The following SEMA6D variants were observed in gnomAD, a reference collection of about 807,000 sequenced individuals.
SEMA6D encodes semaphorin 6D, also known as semaphorin-6D.
In SEMA6D, 35 loss-of-function variants were observed where a neutral mutation model predicts 106.6. The observed-to-expected ratio is 0.33, with a 90% confidence interval of 0.25 to 0.44. The LOEUF (loss-of-function observed/expected upper bound fraction) is 0.44. SEMA6D is among the 20% of genes least tolerant of loss of function. SEMA6D has a pLI of 1.00. For synonymous variants in SEMA6D, 499 were observed against 487.7 expected (o/e 1.02, Z -0.31); for missense variants, 1,185 against 1,345.9 (o/e 0.88, Z 1.87).
rs1863267 is a variant in SEMA6D at position 47,412,403 on chromosome 15, C to G, written c.-228C>G. On this transcript the variant is annotated 5_prime_UTR_variant, in exon 2 of 20. Coordinates refer to the SEMA6D transcript ENST00000558014. ...TTTGACTTTTGGCAGGATCTCCAAC[C>G]TGAGCATATGCCAGTTGACATGGGA... 30,926 of 152,506 alleles carry G rather than the reference C, an allele frequency of 0.2. 3,347 individuals carry two copies. Among genetic ancestry groups the G allele is most frequent in the South Asian group, 0.34 (1,632 of 4,808 alleles). The allele number at this position is 152,506 out of a possible 1,614,324, so 9.4% of individuals were successfully genotyped here. A position where few individuals can be genotyped will look rare whatever the true frequency, so the allele number is the denominator to read the frequency against.
chr15:47,672,106 T>C (rs2078148751), intron 4 of SEMA6D, among the ~76,000 whole-genome samples: 1 of 152,218 alleles, frequency 6.6e-6, no homozygotes, highest in Non-Finnish European at 1.5e-5. Context: ...TATCCCTTTG[T>C]GATATATTTA....
chr15:47,217,118 C>T (rs2030692526), intron 1 of SEMA6D, among the ~76,000 whole-genome samples: 1 of 152,140 alleles, frequency 6.6e-6, no homozygotes, highest in Admixed American at 6.6e-5. Flanking sequence ...GACTTCTCAG[C>T]CTCTGAAGAT....
At chr15:47,348,727 C>CAGAGAGAGAG (rs55719976) in intron 1 of SEMA6D, among the ~76,000 whole-genome samples, 1,269 of 56,954 alleles carry the variant, frequency 0.022, 99 homozygotes, top group Middle Eastern at 0.042. Context: ...ACCACACACA[C>CAGAGAGAGAG]AGAGAGAGAG....
chr15:47,508,643 G>A (rs2044129167), intron 3 of SEMA6D, among the ~76,000 whole-genome samples: 1 of 152,230 alleles, frequency 6.6e-6, no homozygotes, highest in African/African-American at 2.4e-5. Context: ...GGACAGATGA[G>A]AAGAAGGCAT....
chr15:47,315,613 A>C (rs892508338), intron 1 of SEMA6D, among the ~76,000 whole-genome samples: 2 of 152,216 alleles, frequency 1.3e-5, no homozygotes, highest in Non-Finnish European at 1.5e-5. Context: ...CTTTATAATT[A>C]GTTTGTCAAC....
intron 1 of SEMA6D, among the ~76,000 whole-genome samples, chr15:47,342,418 C>G (rs1033686771): frequency 2.6e-5 from 4 of 152,168 alleles, no homozygotes; most frequent in African/African-American, 7.2e-5. Flanking sequence ...ACATCTTGTT[C>G]TGTAGTTTTC....
chr15:47,524,638 T>G (rs1284843069), intron 3 of SEMA6D, among the ~76,000 whole-genome samples: 2 of 152,072 alleles, frequency 1.3e-5, no homozygotes, highest in Non-Finnish European at 2.9e-5. Flanking sequence ...GTGATCTCGT[T>G]AGAGGGAGAC....
intron 1 of SEMA6D, among the ~76,000 whole-genome samples, chr15:47,265,231 G>A (rs2034262999): frequency 6.6e-6 from 1 of 151,282 alleles, no homozygotes; most frequent in Admixed American, 6.6e-5. Context: ...AATAAAATGG[G>A]GAAGCCATCT....
rs1256402942 is a variant in SEMA6D, at chr15:47,245,079, A to G, written c.-239+60661A>G. Among the ~76,000 whole-genome samples, 3 of 150,392 alleles carry G rather than the reference A, an allele frequency of 2.0e-5. No individual in the cohort carries two copies. In the East Asian group the frequency reaches 5.9e-4, roughly 29 times the overall value. ...GTATTCCATGGTATATACTTACCAC[A>G]TTTTCTTTATCCAATCCAACATTGA... On this transcript the variant is annotated intron_variant, in intron 1 of 19. Transcript: ENST00000558014.
chr15:47,763,181 C>T lies in SEMA6D; in HGVS notation c.747+77C>T, dbSNP rs549608816. 2.1e-5 allele frequency: 23 copies of T among 1,114,664 alleles called. No individual in the cohort carries two copies. The African/African-American group carries it at 2.5e-4, about 12-fold the overall frequency. The allele number at this position is 1,114,664 out of a possible 1,614,324, so 69.0% of individuals were successfully genotyped here. On this transcript the variant is annotated intron_variant, in intron 9 of 18. Transcript: ENST00000536845. The stretch of plus-strand genomic sequence containing the variant: ...GACCACTGTGATAGAGTTAAGGATG[C>T]TCACTTGGCATGTTTTCCAGCTCTC...
At chr15:47,697,697 G>C (rs1373474510) in intron 4 of SEMA6D, among the ~76,000 whole-genome samples, 3 of 152,140 alleles carry the variant, frequency 2.0e-5, no homozygotes, top group Admixed American at 6.5e-5. Context: ...GGGAAGGTCT[G>C]ATGAATTTGA....
chr15:47,378,325 A>G (rs1397909120), intron 1 of SEMA6D, among the ~76,000 whole-genome samples: 1 of 152,070 alleles, frequency 6.6e-6, no homozygotes, highest in Non-Finnish European at 1.5e-5. Context: ...GAGAAACCCC[A>G]TCTCTACTGA....
intron 4 of SEMA6D, among the ~76,000 whole-genome samples, chr15:47,655,105 C>T (rs1191488481): frequency 6.6e-6 from 1 of 152,038 alleles, no homozygotes; most frequent in Non-Finnish European, 1.5e-5. Flanking sequence ...GTATATGATA[C>T]ATCTTTACTC....
intron 1 of SEMA6D, among the ~76,000 whole-genome samples, chr15:47,270,209 ATATG>A (rs1440985956): frequency 6.7e-6 from 1 of 148,742 alleles, no homozygotes; most frequent in Non-Finnish European, 1.5e-5. Flanking sequence ...ATTTGTATGT[ATATG>A]TATATATGTA....
At chr15:47,211,641 T>A (rs2030023119) in intron 1 of SEMA6D, among the ~76,000 whole-genome samples, 1 of 152,102 alleles carries the variant, frequency 6.6e-6, no homozygotes, top group South Asian at 2.1e-4. Flanking sequence ...TTATATAAGA[T>A]TTGGAATCAA....
intron 1 of SEMA6D, among the ~76,000 whole-genome samples, chr15:47,275,942 G>A (rs914725201): frequency 7.9e-5 from 12 of 152,244 alleles, no homozygotes; most frequent in African/African-American, 2.6e-4. Flanking sequence ...TTGAACACAT[G>A]AATGATATGA....
At chr15:47,728,858 T>C (rs1204370148) in intron 1 of SEMA6D, among the ~76,000 whole-genome samples, 1 of 152,224 alleles carries the variant, frequency 6.6e-6, no homozygotes, top group East Asian at 1.9e-4. Context: ...CTTCTGCCTC[T>C]CTCTTCCATC....
At chr15:47,281,110 C>G (rs1272185406) in intron 1 of SEMA6D, among the ~76,000 whole-genome samples, 1 of 77,324 alleles carries the variant, frequency 1.3e-5, no homozygotes, top group Non-Finnish European at 2.5e-5. Context: ...GTTGATCTGT[C>G]TAATGTTGAC....
intron 1 of SEMA6D, among the ~76,000 whole-genome samples, chr15:47,201,235 C>T (rs1894708278): frequency 6.6e-6 from 1 of 152,142 alleles, no homozygotes; most frequent in African/African-American, 2.4e-5. Flanking sequence ...CTACACTCTA[C>T]AAAGGGAATT....
Sources: allele counts gnomAD v4.1 joint callset (sites outside exome capture counted in the v4.1 genomes callset), GRCh38; gene constraint gnomAD v4.1.1; transcripts MANE v1.5; gene names NCBI Gene and HGNC (gene_info 2026-07-23, HGNC 2026-07-21).